The following TSPAN9 variants were observed in gnomAD, a reference collection of about 807,000 sequenced individuals.
TSPAN9 encodes the protein tetraspanin-9.
In TSPAN9, 16 loss-of-function variants were observed where a neutral mutation model predicts 31.0. That is an observed-to-expected ratio of 0.52 (90% confidence interval 0.35 to 0.78). TSPAN9 has a LOEUF of 0.78. TSPAN9 is among the 30% of genes least tolerant of loss of function. The pLI, the probability that TSPAN9 is intolerant of heterozygous loss-of-function variation, is 0.01. For missense variants in TSPAN9, 272 were observed against 312.5 expected, an observed-to-expected ratio of 0.87 and a Z score of 0.98; for synonymous variants, 145 against 121.6, an observed-to-expected ratio of 1.19 and a Z score of -1.27.
At chr12:3,132,781 C>T (rs574607186) in intron 2 of TSPAN9, among the ~76,000 whole-genome samples, 7 of 152,146 alleles carry the variant, frequency 4.6e-5, no homozygotes, top group Non-Finnish European at 8.8e-5. Flanking sequence ...GCCCATGAAG[C>T]TTCCCAGGCT....
At chr12:3,125,385 T>C (rs1356694772) in intron 2 of TSPAN9, among the ~76,000 whole-genome samples, 1 of 152,180 alleles carries the variant, frequency 6.6e-6, no homozygotes, top group Non-Finnish European at 1.5e-5. Flanking sequence ...GGGCTTTAAG[T>C]GTACTTGGGA....
intron 1 of TSPAN9, among the ~76,000 whole-genome samples, chr12:3,083,113 C>T (rs929029364): frequency 6.6e-6 from 1 of 152,218 alleles, no homozygotes; most frequent in African/African-American, 2.4e-5. Context: ...TTATTTCTCA[C>T]TTGATGGCCA....
intron 3 of TSPAN9, among the ~76,000 whole-genome samples, chr12:3,231,289 C>T (rs1233662432): frequency 3.3e-5 from 5 of 152,042 alleles, no homozygotes; most frequent in Non-Finnish European, 5.9e-5. Flanking sequence ...CAGGCACTGC[C>T]CCTTTTTGGG....
chr12:3,201,325 C>A, intron 3 of TSPAN9, 69 bp downstream of exon 3: 1 of 1,434,102 alleles, frequency 7.0e-7, no homozygotes, highest in Non-Finnish European at 9.8e-7. Flanking sequence ...GCGTGAATAC[C>A]CTCTCCCTCT....
rs1262176162 is a variant in TSPAN9 at position 3,280,871 on chromosome 12, G to T, written c.433-327G>T. ...AGCCCTGGGGAGGGGCCGGCAGGGG[G>T]TTGGGTGGCAGTCAGCTTGGGACGG... On this transcript the variant is annotated intron_variant, in intron 6 of 8. Coordinates refer to ENST00000011898, the MANE Select transcript of TSPAN9 (RefSeq NM_006675.5). This position sits in a 1 kb window ranked among gnomAD's most constrained non-coding sequence, Gnocchi z 4.5. Among the ~76,000 whole-genome samples the T allele has an allele frequency of 1.3e-5, 2 of 151,570 alleles. No homozygotes were observed. The highest frequency in any genetic ancestry group is 4.9e-5 in the African/African-American group (2 of 41,218).
chr12:3,121,352 CTTTTTTTTTTTTT>C (rs59198394), intron 2 of TSPAN9, among the ~76,000 whole-genome samples: 2 of 108,300 alleles, frequency 1.8e-5, no homozygotes, highest in South Asian at 2.9e-4. Context: ...GGGATGTTGG[CTTTTTTTTTTTTT>C]TTTTTTTTTT....
At chr12:3,118,281 G>C (rs76486458) in intron 2 of TSPAN9, among the ~76,000 whole-genome samples, 1 of 6,138 alleles carries the variant, frequency 1.6e-4, no homozygotes, top group Non-Finnish European at 7.4e-4. Flanking sequence ...TTTTTTTTTT[G>C]AGATGGAGTC....
chr12:3,104,143 G>T (rs893370258), intron 2 of TSPAN9, among the ~76,000 whole-genome samples: 4 of 152,086 alleles, frequency 2.6e-5, no homozygotes, highest in Admixed American at 6.5e-5. Context: ...GGTACAGCTG[G>T]AGGGGAGTGA....
At chr12:3,139,651 T>C (rs946227532) in intron 2 of TSPAN9, among the ~76,000 whole-genome samples, 12 of 152,182 alleles carry the variant, frequency 7.9e-5, no homozygotes, top group Non-Finnish European at 1.5e-5. Context: ...GCTCAAGTCG[T>C]TCTCCCACCT....
At chr12:3,249,884 G>T (rs1166431156) in intron 3 of TSPAN9, among the ~76,000 whole-genome samples, 1 of 152,178 alleles carries the variant, frequency 6.6e-6, no homozygotes, top group African/African-American at 2.4e-5. Flanking sequence ...TTGATGAGTG[G>T]GGTTGATTGC....
At chr12:3,121,726 T>C (rs1591637129) in intron 2 of TSPAN9, among the ~76,000 whole-genome samples, 1 of 152,208 alleles carries the variant, frequency 6.6e-6, no homozygotes, top group Non-Finnish European at 1.5e-5. Flanking sequence ...GAGCCTGTGC[T>C]GCCCGGTGGC....
chr12:3,271,145 C>T (rs1862669754), intron 3 of TSPAN9, among the ~76,000 whole-genome samples: 1 of 152,220 alleles, frequency 6.6e-6, no homozygotes, highest in Non-Finnish European at 1.5e-5. Context: ...ATCTCCCTGA[C>T]ACCTTTGTAA....
At chr12:3,255,636 G>A (rs550399155) in intron 3 of TSPAN9, among the ~76,000 whole-genome samples, 9 of 152,324 alleles carry the variant, frequency 5.9e-5, no homozygotes, top group African/African-American at 2.2e-4. Context: ...TGGTGTCATA[G>A]GGTAATTGGT....
At chr12:3,095,622 C>G (rs1296158392) in intron 2 of TSPAN9, among the ~76,000 whole-genome samples, 1 of 98,308 alleles carries the variant, frequency 1.0e-5, no homozygotes, top group African/African-American at 4.7e-5. Flanking sequence ...GCTGGCCGGG[C>G]GGAGGGCTGA....
intron 3 of TSPAN9, among the ~76,000 whole-genome samples, chr12:3,209,586 C>T (rs1260942495): frequency 6.6e-6 from 1 of 152,128 alleles, no homozygotes; most frequent in Admixed American, 6.5e-5. Context: ...ACGTGACTCG[C>T]CTGACGAGCT....
chr12:3,213,351 C>T (rs560895006), intron 3 of TSPAN9, among the ~76,000 whole-genome samples: 7 of 152,312 alleles, frequency 4.6e-5, no homozygotes, highest in Admixed American at 4.6e-4. Context: ...GGGGGGCTTC[C>T]CCCGCTTGTT....
chr12:3,209,697 C>T (rs539595664), intron 3 of TSPAN9, among the ~76,000 whole-genome samples: 1 of 152,024 alleles, frequency 6.6e-6, no homozygotes, highest in Non-Finnish European at 1.5e-5. Flanking sequence ...CGGTGGCTCA[C>T]GCCTGTAATC....
rs560906937 is a variant in TSPAN9, at chr12:3,183,144, T to C, written c.-17-18033T>C. On this transcript the variant is annotated intron_variant, in intron 2 of 8. Transcript: ENST00000011898. ...TGCTCAGAGAAGGCTTCTGGAGGGG[T>C]GGGGGCCCCAGGGTGCCATAAAGAA... Among the ~76,000 whole-genome samples, 89 of 152,002 alleles carry C rather than the reference T, an allele frequency of 5.9e-4. 2 individuals carry two copies. Among genetic ancestry groups the C allele is most frequent in the African/African-American group, 1.6e-3 (67 of 41,468 alleles).
chr12:3,162,393 A>G (rs954764656), intron 2 of TSPAN9, among the ~76,000 whole-genome samples: 9 of 152,206 alleles, frequency 5.9e-5, no homozygotes, highest in Non-Finnish European at 1.5e-5. Flanking sequence ...TAATTGATTC[A>G]GGTGATGGTG....
Sources: gnomAD v4.1 joint callset for allele counts (sites outside exome capture counted in the v4.1 genomes callset) on GRCh38, gnomAD v4.1.1 for gene constraint, Gnocchi (gnomAD v3.1) non-coding constraint, MANE v1.5 for transcripts, NCBI Gene and HGNC (gene_info 2026-07-23, HGNC 2026-07-21) for gene names.